KAZN: variants seen among roughly 807,000 people sequenced by gnomAD.
KAZN encodes kazrin.
In KAZN, 40 loss-of-function variants were observed where a neutral mutation model predicts 87.4. That is an observed-to-expected ratio of 0.46 (90% CI 0.36 to 0.60). The LOEUF is 0.60. Among genes scored for constraint, KAZN ranks in the 20% least tolerant of loss-of-function variants. The pLI, the probability that KAZN is intolerant of heterozygous loss-of-function variation, is 0.00. For synonymous variants in KAZN, 466 were observed against 458.3 expected, an observed-to-expected ratio of 1.02 and a Z score of -0.22; for missense variants, 898 against 1,073.9, an observed-to-expected ratio of 0.84 and a Z score of 2.29.
At chr1:14,492,731 CAT>C in intron 2 of KAZN, among the ~76,000 whole-genome samples, 1 of 146,712 alleles carries the variant, frequency 6.8e-6, no homozygotes, top group African/African-American at 2.5e-5. Flanking sequence ...ACACACACCA[CAT>C]ACAGCACACA....
At chr1:14,500,591 T>G (rs912529314) in intron 2 of KAZN, among the ~76,000 whole-genome samples, 1 of 151,224 alleles carries the variant, frequency 6.6e-6, no homozygotes, top group African/African-American at 2.4e-5. Flanking sequence ...AAGGAAATAA[T>G]AAAAACTGGA....
Position 14,304,728 on chromosome 1 carries a change from C to G in KAZN, c.249+124136C>G, listed in dbSNP as rs1654797876. On this transcript the variant is annotated intron_variant, in intron 2 of 16. Transcript: ENST00000636203. Reference sequence around the variant, plus strand: ...CGTATAACCACTCGAAATCTCTTTTCTAGTACATGTGGCATTACCACACCA... The same window carrying G: ...CGTATAACCACTCGAAATCTCTTTTGTAGTACATGTGGCATTACCACACCA... The G allele has an allele frequency of 7.5e-6, 3 of 398,026 alleles. No individual in the cohort carries two copies. The South Asian group carries it at 3.8e-4, about 51-fold the overall frequency. 24.7% of individuals were successfully genotyped at this position (398,026 alleles called of 1,614,324 possible).
intron 1 of KAZN, among the ~76,000 whole-genome samples, chr1:13,964,596 A>C (rs1457152905): frequency 6.6e-6 from 1 of 152,160 alleles, no homozygotes; most frequent in Non-Finnish European, 1.5e-5. Flanking sequence ...CTCATGCTCC[A>C]GCAGGCCACC....
rs529035178 is a variant in KAZN at position 14,490,432 on chromosome 1, C to G, written c.250-108551C>G. On this transcript the variant is annotated intron_variant, in intron 2 of 16. Coordinates refer to the KAZN transcript ENST00000636203. Reference sequence around the variant, plus strand: ...GTATATTTAGAAAGTCTTTGTATAGCCTGAGATTAATGAACAACTCATCTG... The same window carrying G: ...GTATATTTAGAAAGTCTTTGTATAGGCTGAGATTAATGAACAACTCATCTG... Among the ~76,000 whole-genome samples, 5 of 152,178 alleles carry G rather than the reference C, an allele frequency of 3.3e-5. No homozygotes were observed. In the South Asian group the frequency reaches 8.3e-4, roughly 25 times the overall value.
chr1:14,960,855 G>T lies in KAZN; in HGVS notation c.398G>T (p.Arg133Ile). The T allele has an allele frequency of 6.2e-7, 1 of 1,608,382 alleles. No individual in the cohort carries two copies. The highest frequency in any genetic ancestry group is 8.5e-7 in the Non-Finnish European group (1 of 1,177,014). Residue 133 changes from arginine to isoleucine, a missense_variant, in exon 2 of 15, where the codon AGA (arginine) becomes ATA (isoleucine). Arg to Ile is a moderately conservative substitution (Grantham distance 97). This residue lies in a region of KAZN where 250 missense variants were observed against 263.0 expected (regional missense o/e 0.95). Coordinates refer to ENST00000376030, the MANE Select transcript of KAZN (RefSeq NM_201628.3). ...QLAQKEQELA[R>I]AKEALQAMKA... is the part of the protein sequence containing the mutation. ...GCCCAGAAGGAGCAGGAGCTAGCCA[G>T]AGCCAAAGAAGCCTTGCAGGGTGAG...
At chr1:15,032,095 C>A (rs1213492903) in intron 2 of KAZN, among the ~76,000 whole-genome samples, 1 of 151,992 alleles carries the variant, frequency 6.6e-6, no homozygotes, top group African/African-American at 2.4e-5. Flanking sequence ...TACCACCCCT[C>A]CCTCCCCGAT....
intron 1 of KAZN, among the ~76,000 whole-genome samples, chr1:14,043,590 T>G (rs1040854527): frequency 1.4e-5 from 2 of 146,564 alleles, no homozygotes; most frequent in Admixed American, 1.4e-4. Context: ...CTCTATACCC[T>G]CTCCAACACT....
rs1646731587 is a variant in KAZN at position 14,205,890 on chromosome 1, A to AAAAAAAAAAAAAAG, written c.249+25311_249+25312insGAAAAAAAAAAAAA. ...ACAGAGCAAGACACTGTCTCAAAAAAAAAAAAAAAAAAAAAAGCTACCTAA... is the reference window on the plus strand; with the variant it reads ...ACAGAGCAAGACACTGTCTCAAAAAAAAAAAAAAAAAAAGAAAAAAAAAAAAAAAAGCTACCTAA... On this transcript the variant is annotated intron_variant, in intron 2 of 16. Coordinates refer to the KAZN transcript ENST00000636203. 8.3e-5 allele frequency among the ~76,000 whole-genome samples: 5 copies of AAAAAAAAAAAAAAG among 59,938 alleles called. 1 individual carries two copies. Among genetic ancestry groups the AAAAAAAAAAAAAAG allele is most frequent in the Non-Finnish European group, 1.5e-4 (5 of 33,596 alleles). 39.3% of individuals were successfully genotyped at this position (59,938 alleles called of 152,430 possible).
intron 2 of KAZN, among the ~76,000 whole-genome samples, chr1:14,471,725 A>T (rs539485379): frequency 6.3e-4 from 96 of 152,312 alleles, no homozygotes; most frequent in Non-Finnish European, 1.0e-3. Context: ...CTTAGTCTGT[A>T]TCTTGGGGTT....
At chr1:15,007,688 C>T (rs111468038) in intron 2 of KAZN, among the ~76,000 whole-genome samples, 1 of 152,208 alleles carries the variant, frequency 6.6e-6, no homozygotes. Flanking sequence ...CACCTGCCCG[C>T]CTCCATAACA....
At chr1:14,652,320 T>C (rs552345021) in intron 1 of KAZN, among the ~76,000 whole-genome samples, 3 of 152,252 alleles carry the variant, frequency 2.0e-5, no homozygotes, top group Non-Finnish European at 4.4e-5. Flanking sequence ...TTCAGAGTCA[T>C]CATATTATCT....
chr1:14,006,197 T>C (rs1387400858), intron 1 of KAZN, among the ~76,000 whole-genome samples: 8 of 152,216 alleles, frequency 5.3e-5, no homozygotes, highest in Non-Finnish European at 1.2e-4. Context: ...TGCCTGTGCT[T>C]TGATGTACTG....
At position 14,905,381 on chromosome 1, in the gene KAZN, G is replaced by C. The variant is rs117145354; in HGVS notation, c.227-55303G>C. Among the ~76,000 whole-genome samples, 296 of 152,276 alleles carry C rather than the reference G, an allele frequency of 1.9e-3. 6 individuals are homozygous for C. In the East Asian group the frequency reaches 0.039, roughly 20 times the overall value. The stretch of plus-strand genomic sequence containing the variant: ...CTGGACAGGAAATGCTCTTGGGCTA[G>C]AAAAACTCCTGCTGGCTTGTCTTGC... On this transcript the variant is annotated intron_variant, in intron 1 of 14. Transcript: ENST00000376030.
intron 2 of KAZN, among the ~76,000 whole-genome samples, chr1:14,507,566 TGA>T (rs1670652598): frequency 6.6e-6 from 1 of 152,188 alleles, no homozygotes; most frequent in Non-Finnish European, 1.5e-5. Flanking sequence ...GAATTCTTTC[TGA>T]GAGTGGAACA....
At chr1:14,565,331 A>G (rs539024789) in intron 2 of KAZN, among the ~76,000 whole-genome samples, 2 of 152,352 alleles carry the variant, frequency 1.3e-5, no homozygotes, top group African/African-American at 4.8e-5. Context: ...ACATAATACC[A>G]TAGTCTATTC....
intron 1 of KAZN, among the ~76,000 whole-genome samples, chr1:14,075,414 A>G (rs1161610808): frequency 6.6e-6 from 1 of 152,140 alleles, no homozygotes; most frequent in African/African-American, 2.4e-5. Flanking sequence ...AGAGAAAATG[A>G]ATTTCTTTAG....
intron 1 of KAZN, among the ~76,000 whole-genome samples, chr1:14,123,327 T>G (rs1052546784): frequency 2.0e-5 from 3 of 152,126 alleles, no homozygotes; most frequent in Non-Finnish European, 4.4e-5. Flanking sequence ...GCAATGTGGA[T>G]GTTGAGGCTT....
chr1:15,088,621 C>T (rs541205456), intron 8 of KAZN, among the ~76,000 whole-genome samples: 26 of 152,220 alleles, frequency 1.7e-4, no homozygotes, highest in African/African-American at 5.8e-4. Flanking sequence ...AAATAAAAGC[C>T]AGGATTGATG....
intron 4 of KAZN, among the ~76,000 whole-genome samples, chr1:15,048,613 T>TGGTCCTGGGTCGTC (rs1428878494): frequency 8.4e-5 from 11 of 130,954 alleles, no homozygotes; most frequent in Non-Finnish European, 1.4e-4. Context: ...CCTGGGTCGC[T>TGGTCCTGGGTCGTC]GGTCCTGGGT....
Sources: gnomAD v4.1 joint callset for allele counts (sites outside exome capture counted in the v4.1 genomes callset) on GRCh38, gnomAD v4.1.1 for gene constraint, gnomAD v4.1.1 regional missense constraint, MANE v1.5 for transcripts, NCBI Gene and HGNC (gene_info 2026-07-23, HGNC 2026-07-21) for gene names.